The following NAT2 variants were observed in gnomAD, a reference collection of about 807,000 sequenced individuals.
NAT2 encodes arylamine N-acetyltransferase 2.
For synonymous variants in NAT2, 137 were observed against 125.9 expected, an observed-to-expected ratio of 1.09 and a Z score of -0.59; for missense variants, 428 against 339.1, an observed-to-expected ratio of 1.26 and a Z score of -2.06.
At chr8:18,389,378 C>T (rs56107563), upstream of NAT2, among the ~76,000 whole-genome samples, 20 of 152,302 alleles carry the variant, frequency 1.3e-4, no homozygotes, top group East Asian at 3.5e-3. Flanking sequence ...CTCTCTTCGC[C>T]TGTGTGTCCC....
upstream of NAT2, chr8:18,387,369 C>G (rs1055686659): frequency 2.0e-5 from 3 of 152,512 alleles, no homozygotes; most frequent in African/African-American, 7.3e-5. Flanking sequence ...CTGTCCGCGG[C>G]CCCTTCACGT....
Position 18,400,146 on chromosome 8 carries a change from T to A in NAT2, c.143T>A (p.Met48Lys). The change falls in exon 2 of 2, where the codon ATG becomes AAG. Residue 48 changes from methionine to lysine, a missense_variant. Transcript: ENST00000286479. The stretch of plus-strand genomic sequence containing the variant: ...CTTAACATGCATTGTGGGCAAGCCA[T>A]GGAGTTGGGCTTAGAGGCTATTTTT... ...ENLNMHCGQA[M>K]ELGLEAIFDH... is the part of the protein sequence containing the mutation. 1 of 1,614,016 alleles carries A rather than the reference T, an allele frequency of 6.2e-7. No individual in the cohort carries two copies. Among genetic ancestry groups the A allele is most frequent in the South Asian group, 1.1e-5 (1 of 91,082 alleles).
chr8:18,396,382 T>G (rs1294524358), intron 1 of NAT2, among the ~76,000 whole-genome samples: 1 of 152,204 alleles, frequency 6.6e-6, no homozygotes, highest in African/African-American at 2.4e-5. Context: ...ACCTTTAGTT[T>G]TGTCCACATT....
In NAT2 at chr8:18,401,147, T is replaced by C; in HGVS notation, c.*271T>C. On this transcript the variant is annotated 3_prime_UTR_variant, in exon 2 of 2. Coordinates refer to ENST00000286479, the MANE Select transcript of NAT2 (RefSeq NM_000015.3). ...GCAGAGTGATTCATGCTAGAAAACA[T>C]TTAATATTGATTTATTGTTGAATTC... is the stretch of plus-strand genomic sequence containing the variant. The C allele has an allele frequency of 3.3e-6, 1 of 300,568 alleles. No homozygotes were observed. Among genetic ancestry groups the C allele is most frequent in the Non-Finnish European group, 6.3e-6 (1 of 157,910 alleles). 18.6% of individuals were successfully genotyped at this position (300,568 alleles called of 1,614,324 possible). A position where few individuals can be genotyped will look rare whatever the true frequency, so the allele number is the denominator to read the frequency against.
In NAT2 at chr8:18,398,457, G is replaced by C. The variant is rs111682579; in HGVS notation, c.-6-1541G>C. On this transcript the variant is annotated intron_variant, in intron 1 of 1. Transcript: ENST00000286479. ...TTCTGATTTCTAGGTTCTGCCTTGG[G>C]GAAAGAGATTCTAGTTTGTTTGGCC... 4.9e-3 allele frequency among the ~76,000 whole-genome samples: 743 copies of C among 152,290 alleles called. 9 individuals are homozygous for C. The highest frequency in any genetic ancestry group is 0.017 in the African/African-American group (713 of 41,568).
intron 1 of NAT2, 94 bp from the exon 2 acceptor site, chr8:18,399,904 A>G (rs1242711669): frequency 1.5e-6 from 2 of 1,333,538 alleles, no homozygotes; most frequent in African/African-American, 1.5e-5. Context: ...TTGTGTTTTT[A>G]CGTATTTAAA....
upstream of NAT2, among the ~76,000 whole-genome samples, chr8:18,388,504 CAAAAA>C (rs11390514): frequency 3.1e-4 from 24 of 78,470 alleles, no homozygotes; most frequent in Middle Eastern, 9.8e-3. Flanking sequence ...AGATAATAAG[CAAAAA>C]AAAAAAAAAA....
At chr8:18,398,586 A>G (rs1800730815) in intron 1 of NAT2, among the ~76,000 whole-genome samples, 1 of 152,102 alleles carries the variant, frequency 6.6e-6, no homozygotes, top group African/African-American at 2.4e-5. Flanking sequence ...CTGAGCTACA[A>G]CGTGTATTTA....
At chr8:18,397,638 T>A (rs1039849432) in intron 1 of NAT2, among the ~76,000 whole-genome samples, 1 of 152,116 alleles carries the variant, frequency 6.6e-6, no homozygotes, top group Non-Finnish European at 1.5e-5. Context: ...AAAACCACAA[T>A]ACAAAACCAA....
rs761144507 is a variant in NAT2, at chr8:18,400,290, C to T, written c.287C>T (p.Pro96Leu). 6.2e-7 allele frequency: 1 copy of T among 1,613,668 alleles called. No homozygotes were observed. Among genetic ancestry groups the T allele is most frequent in the Admixed American group, 1.7e-5 (1 of 59,972 alleles). ...TTMLGGYFYI[P>L]PVNKYSTGMV... Reference sequence around the variant, plus strand: ...ATGTTAGGAGGGTATTTTTACATCCCTCCAGTTAACAAATACAGCACTGGC... The same window carrying T: ...ATGTTAGGAGGGTATTTTTACATCCTTCCAGTTAACAAATACAGCACTGGC... The change falls in exon 2 of 2, where the codon CCT becomes CTT. Residue 96 changes from proline (P) to leucine (L), a missense_variant. Coordinates refer to ENST00000286479, the MANE Select transcript of NAT2 (RefSeq NM_000015.3).
At chr8:18,397,065 T>C (rs11996129) in intron 1 of NAT2, among the ~76,000 whole-genome samples, 39,493 of 152,094 alleles carry the variant, frequency 0.26, 5,340 homozygotes, top group South Asian at 0.35. Flanking sequence ...TGGAGAAACA[T>C]GCCTAAAAAT....
chr8:18,400,782 A>T lies in NAT2; in HGVS notation c.779A>T (p.Glu260Val), dbSNP rs1800779535. Residue 260 changes from glutamate to valine, a missense_variant, in exon 2 of 2, where the codon GAG becomes GTG. By Grantham distance (121) the Glu-to-Val change is moderately radical. Coordinates refer to ENST00000286479, the MANE Select transcript of NAT2 (RefSeq NM_000015.3). ...CTGGTCGAGTTTAAAACTCTCACTG[A>T]GGAAGAGGTTGAAGAAGTGCTGAGA... Reference protein sequence around the residue: ...TDLVEFKTLTEEEVEEVLRNI... With the variant: ...TDLVEFKTLTVEEVEEVLRNI... 1 of 1,613,222 alleles carries T rather than the reference A, an allele frequency of 6.2e-7. No individual in the cohort carries two copies. Among genetic ancestry groups the T allele is most frequent in the Non-Finnish European group, 8.5e-7 (1 of 1,179,850 alleles).
At chr8:18,399,570 A>G (rs1223082367) in intron 1 of NAT2, among the ~76,000 whole-genome samples, 1 of 152,212 alleles carries the variant, frequency 6.6e-6, no homozygotes, top group Non-Finnish European at 1.5e-5. Context: ...TAAATGGGAA[A>G]TCAAGTGGGT....
chr8:18,390,208 T>A (rs4646244), upstream of NAT2, among the ~76,000 whole-genome samples: 41,023 of 151,968 alleles, frequency 0.27, 5,744 homozygotes, highest in South Asian at 0.35. Flanking sequence ...GAGTCCCGAG[T>A]TCATGTGGCA....
At chr8:18,391,256 C>T (rs371026887), upstream of NAT2, 1 of 152,074 alleles carries the variant, frequency 6.6e-6, no homozygotes, top group Non-Finnish European at 1.5e-5. Flanking sequence ...GAGATCACTT[C>T]CCTTGCAGAC....
At chr8:18,391,255 T>G (rs1275486480), upstream of NAT2, 1 of 152,134 alleles carries the variant, frequency 6.6e-6, no homozygotes, top group Non-Finnish European at 1.5e-5. Context: ...TGAGATCACT[T>G]CCCTTGCAGA....
At chr8:18,399,749 C>G (rs45605531) in intron 1 of NAT2, among the ~76,000 whole-genome samples, 4,284 of 152,082 alleles carry the variant, frequency 0.028, 214 homozygotes, top group African/African-American at 0.098. Context: ...TCTGGATTTC[C>G]AACTCCTCAT....
intron 1 of NAT2, among the ~76,000 whole-genome samples, chr8:18,397,628 A>T (rs571414769): frequency 2.8e-4 from 43 of 152,272 alleles, no homozygotes; most frequent in African/African-American, 1.0e-3. Flanking sequence ...TTTGACCAAA[A>T]AAACCACAAT....
At chr8:18,391,559 C>A (rs1189614172) in intron 1 of NAT2, among the ~76,000 whole-genome samples, 3 of 151,594 alleles carry the variant, frequency 2.0e-5, no homozygotes, top group African/African-American at 7.3e-5. Context: ...CACAACTGAC[C>A]AGCATTAACA....
Sources: gnomAD v4.1 joint callset for allele counts (sites outside exome capture counted in the v4.1 genomes callset) on GRCh38, gnomAD v4.1.1 for gene constraint, MANE v1.5 for transcripts, NCBI Gene and HGNC (gene_info 2026-07-23, HGNC 2026-07-21) for gene names.